Variants in NEDD9 observed in about 807,000 individuals in gnomAD.
NEDD9 encodes the protein neural precursor cell expressed, developmentally down-regulated 9.
A neutral mutation model predicts 76.6 loss-of-function variants in NEDD9; 26 were observed. That is an observed-to-expected ratio of 0.34 (90% CI 0.25 to 0.47). NEDD9 has a LOEUF of 0.47. Ranked by LOEUF, NEDD9 falls within the 20% of genes least tolerant of loss-of-function variation. The probability of loss-of-function intolerance (pLI) is 1.00; values close to 1 mark genes in which losing one functional copy is unlikely to be tolerated. For missense variants in NEDD9, 937 were observed against 1,058.5 expected (o/e 0.89, Z 1.59); for synonymous variants, 392 against 414.2 (o/e 0.95, Z 0.65).
chr6:11,301,803 T>A (rs529852002), intron 3 of NEDD9, among the ~76,000 whole-genome samples: 1 of 152,338 alleles, frequency 6.6e-6, no homozygotes, highest in Admixed American at 6.5e-5. Context: ...AATAAAGATG[T>A]TCTTTGAAAC....
intron 3 of NEDD9, among the ~76,000 whole-genome samples, chr6:11,256,203 TG>T (rs1340591836): frequency 6.6e-6 from 1 of 152,204 alleles, no homozygotes; most frequent in Non-Finnish European, 1.5e-5. Flanking sequence ...ACAAGCCACC[TG>T]CCTTGGTGCT....
At chr6:11,340,638 G>A (rs142811221) in intron 1 of NEDD9, among the ~76,000 whole-genome samples, 3 of 152,202 alleles carry the variant, frequency 2.0e-5, no homozygotes, top group Non-Finnish European at 4.4e-5. Context: ...CTGTCTCCTC[G>A]TGAGCCCCAA....
intron 1 of NEDD9, chr6:11,352,627 A>T (rs1762490014): frequency 6.6e-6 from 1 of 152,204 alleles, no homozygotes; most frequent in African/African-American, 2.4e-5. Context: ...TGAATTATGT[A>T]ATACTTGTGT....
chr6:11,336,280 T>C (rs1303661396), intron 1 of NEDD9, among the ~76,000 whole-genome samples: 1 of 152,252 alleles, frequency 6.6e-6, no homozygotes, highest in East Asian at 1.9e-4. Flanking sequence ...AGAAATGCAT[T>C]GTTAGATGAT....
chr6:11,358,809 T>G (rs1241165803), intron 1 of NEDD9, among the ~76,000 whole-genome samples: 1 of 152,168 alleles, frequency 6.6e-6, no homozygotes, highest in Non-Finnish European at 1.5e-5. Context: ...AAGGAGAGAC[T>G]TAAACAACTC....
intron 1 of NEDD9, among the ~76,000 whole-genome samples, chr6:11,366,713 G>T (rs781306617): frequency 2.0e-5 from 3 of 152,240 alleles, no homozygotes; most frequent in Non-Finnish European, 2.9e-5. Context: ...GAGTTGCCTC[G>T]TCATTGAATG....
intron 3 of NEDD9, among the ~76,000 whole-genome samples, chr6:11,279,256 G>A (rs760398929): frequency 1.3e-5 from 2 of 152,228 alleles, no homozygotes; most frequent in Non-Finnish European, 2.9e-5. Context: ...CAGGACTGCA[G>A]ATGTTTGTCA....
chr6:11,248,364 G>C (rs1759850682), intron 3 of NEDD9, among the ~76,000 whole-genome samples: 1 of 152,122 alleles, frequency 6.6e-6, no homozygotes, highest in African/African-American at 2.4e-5. Flanking sequence ...TGATGCTCAG[G>C]GAGTGACTGC....
At chr6:11,351,247 T>C (rs892415826) in intron 1 of NEDD9, among the ~76,000 whole-genome samples, 1 of 152,084 alleles carries the variant, frequency 6.6e-6, no homozygotes, top group African/African-American at 2.4e-5. Flanking sequence ...GAAAGAAAGC[T>C]GAGCTCTTTG....
intron 3 of NEDD9, among the ~76,000 whole-genome samples, chr6:11,291,627 A>G (rs2113376693): frequency 6.6e-6 from 1 of 152,320 alleles, no homozygotes; most frequent in South Asian, 2.1e-4. Flanking sequence ...CTACTGTTTA[A>G]TTGGATATTG....
chr6:11,346,016 C>T (rs958453099), intron 1 of NEDD9, among the ~76,000 whole-genome samples: 5 of 152,236 alleles, frequency 3.3e-5, no homozygotes, highest in African/African-American at 1.2e-4. Context: ...AAGGCATCTC[C>T]TACAACACCA....
At position 11,269,811 on chromosome 6, in the gene NEDD9, A is replaced by AAAACAAAC. The variant is rs111917493; in HGVS notation, c.12+36173_12+36180dup. ...AATTAAACCTAGAGTAAACCATTAA[A>AAAACAAAC]AAACAAACAAACAAACAAACAAACA... On this transcript the variant is annotated intron_variant, in intron 3 of 3. Transcript: ENST00000397378. 1.6e-3 allele frequency among the ~76,000 whole-genome samples: 246 copies of AAAACAAAC among 151,906 alleles called. 1 individual carries two copies. The highest frequency in any genetic ancestry group is 2.5e-3 in the South Asian group (12 of 4,822).
upstream of NEDD9, among the ~76,000 whole-genome samples, chr6:11,236,256 G>T (rs1203051439): frequency 6.6e-6 from 1 of 152,084 alleles, no homozygotes; most frequent in Non-Finnish European, 1.5e-5. The surrounding 1 kb of genome is among the most constrained non-coding windows in gnomAD (Gnocchi z 5.5). Flanking sequence ...TCCTGCACTT[G>T]CCAGCACTCC....
At chr6:11,231,004 C>CT (rs1457199720) in intron 1 of NEDD9, among the ~76,000 whole-genome samples, 4 of 152,172 alleles carry the variant, frequency 2.6e-5, no homozygotes, top group Non-Finnish European at 4.4e-5. Context: ...CATACTTTCT[C>CT]TTTTTTCTGC....
intron 1 of NEDD9, among the ~76,000 whole-genome samples, chr6:11,359,602 C>T (rs1762640331): frequency 6.6e-6 from 1 of 152,222 alleles, no homozygotes; most frequent in Non-Finnish European, 1.5e-5. Flanking sequence ...AGACATCTTC[C>T]TTTAGAAGGA....
chr6:11,189,210 G>A (rs921859263), intron 5 of NEDD9, among the ~76,000 whole-genome samples: 1 of 152,194 alleles, frequency 6.6e-6, no homozygotes, highest in Admixed American at 6.5e-5. Context: ...CTCCCAAAGT[G>A]CTGGGATTAC....
At chr6:11,239,436 G>A (rs1477192927) in intron 3 of NEDD9, among the ~76,000 whole-genome samples, 1 of 152,100 alleles carries the variant, frequency 6.6e-6, no homozygotes, top group African/African-American at 2.4e-5. Flanking sequence ...AATTCAACAG[G>A]GGGACAAATA....
chr6:11,329,762 G>C (rs549642981), intron 2 of NEDD9, among the ~76,000 whole-genome samples: 1 of 151,988 alleles, frequency 6.6e-6, no homozygotes, highest in Non-Finnish European at 1.5e-5. Flanking sequence ...CAACTGGGTG[G>C]GGGGGGCGGT....
chr6:11,197,458 T>C (rs946359438), intron 2 of NEDD9, among the ~76,000 whole-genome samples: 1 of 152,300 alleles, frequency 6.6e-6, no homozygotes, highest in East Asian at 1.9e-4. Flanking sequence ...TTTCCATATG[T>C]GGATTTTCTG....
Sources: allele counts gnomAD v4.1 joint callset (sites outside exome capture counted in the v4.1 genomes callset), GRCh38; gene constraint gnomAD v4.1.1; non-coding constraint Gnocchi (gnomAD v3.1); transcripts MANE v1.5; gene names NCBI Gene and HGNC (gene_info 2026-07-23, HGNC 2026-07-21).